The following LYRM7 variants were observed in gnomAD, a reference collection of about 807,000 sequenced individuals.
The protein encoded by LYRM7 is complex III assembly factor LYRM7.
In LYRM7, 9 loss-of-function variants were observed where a neutral mutation model predicts 15.8. The observed-to-expected ratio is 0.57, with a 90% CI of 0.34 to 0.99. LYRM7 has a LOEUF of 0.99. Among genes scored for constraint, LYRM7 ranks in the 50% least tolerant of loss-of-function variants. The probability of loss-of-function intolerance (pLI) is 0.02; values close to 1 mark genes in which losing one functional copy is unlikely to be tolerated. For synonymous variants in LYRM7, 39 were observed against 39.4 expected (o/e 0.99, Z 0.04); for missense variants, 115 against 119.1 (o/e 0.97, Z 0.16).
Position 131,201,902 on chromosome 5 carries a change from A to T in LYRM7, c.*2301A>T, listed in dbSNP as rs1756074784. On this transcript the variant is annotated 3_prime_UTR_variant, in exon 5 of 5. Coordinates refer to ENST00000379380, the MANE Select transcript of LYRM7 (RefSeq NM_181705.4). ...CAGGTTGGAGTGCAGTGGCATGGTC[A>T]TGGTCCACTAAAGCCTTGACCCCTG... 1 of 152,090 alleles carries T rather than the reference A, an allele frequency of 6.6e-6. No homozygotes were observed. The highest frequency in any genetic ancestry group is 6.5e-5 in the Admixed American group (1 of 15,274). 9.4% of individuals were successfully genotyped at this position (152,090 alleles called of 1,614,324 possible).
rs144782035 is a variant in LYRM7 at position 131,188,822 on chromosome 5, G to A, written c.244+1713G>A. ...ATCTTTGACTAGCTCAAGCAAGATC[G>A]TGAAGAGATTCTCCTGTGCTTTCTT... On this transcript the variant is annotated intron_variant, in intron 4 of 4. Transcript: ENST00000379380. Among the ~76,000 whole-genome samples, 1,225 of 152,206 alleles carry A rather than the reference G, an allele frequency of 8.0e-3. 14 individuals carry two copies. Among genetic ancestry groups the A allele is most frequent in the African/African-American group, 0.028 (1,167 of 41,528 alleles).
At chr5:131,185,420 T>C (rs7735755) in intron 3 of LYRM7, among the ~76,000 whole-genome samples, 46,233 of 152,012 alleles carry the variant, frequency 0.3, 11,315 homozygotes, top group African/African-American at 0.68. Context: ...GATATTCTCT[T>C]CCATGCCCTC....
At chr5:131,197,374 A>G (rs6873136) in intron 4 of LYRM7, among the ~76,000 whole-genome samples, 4,562 of 152,294 alleles carry the variant, frequency 0.03, 246 homozygotes, top group African/African-American at 0.1. Flanking sequence ...CAAGTGAGAT[A>G]TAAACAATGG....
intron 1 of LYRM7, among the ~76,000 whole-genome samples, chr5:131,171,960 T>G (rs1025239286): frequency 1.3e-5 from 2 of 152,234 alleles, no homozygotes; most frequent in African/African-American, 4.8e-5. Flanking sequence ...GCCTATATTG[T>G]CTAAGCATAG....
At chr5:131,197,334 C>T (rs1454545528) in intron 4 of LYRM7, among the ~76,000 whole-genome samples, 1 of 152,124 alleles carries the variant, frequency 6.6e-6, no homozygotes, top group East Asian at 1.9e-4. Context: ...AATTTATTCT[C>T]TGATGAAATC....
At chr5:131,187,215 G>A in intron 4 of LYRM7, 106 bp downstream of exon 4, 1 of 654,512 alleles carries the variant, frequency 1.5e-6, no homozygotes, top group Non-Finnish European at 2.7e-6. Flanking sequence ...GATTTTGCCA[G>A]ACAATATGGT....
In LYRM7 at chr5:131,204,742, T is replaced by TGTGTGTGTGTGTGTGTGTGTGTG. The variant is rs60607642; in HGVS notation, c.*5141_*5142insGTGTGTGTGTGTGTGTGTGTGTG. The TGTGTGTGTGTGTGTGTGTGTGTG allele has an allele frequency of 6.7e-6, 1 of 149,874 alleles. No homozygotes were observed. Among genetic ancestry groups the TGTGTGTGTGTGTGTGTGTGTGTG allele is most frequent in the African/African-American group, 2.4e-5 (1 of 40,872 alleles). 9.3% of individuals were successfully genotyped at this position (149,874 alleles called of 1,614,324 possible). A position where few individuals can be genotyped will look rare whatever the true frequency, so the allele number is the denominator to read the frequency against. On this transcript the variant is annotated 3_prime_UTR_variant, in exon 5 of 5. Coordinates refer to ENST00000379380, the MANE Select transcript of LYRM7 (RefSeq NM_181705.4). ...AGCATTTCAGAAAACGGATGTTCAT[T>TGTGTGTGTGTGTGTGTGTGTGTG]TGTGTGTGTGTGTGTGTGTAAGCAG...
At chr5:131,187,943 G>C (rs1432876432) in intron 4 of LYRM7, among the ~76,000 whole-genome samples, 3 of 152,012 alleles carry the variant, frequency 2.0e-5, no homozygotes, top group East Asian at 1.9e-4. Context: ...TTTGGGGACA[G>C]TAACAACAAA....
intron 4 of LYRM7, among the ~76,000 whole-genome samples, chr5:131,187,947 C>G (rs911356312): frequency 3.9e-5 from 6 of 151,978 alleles, no homozygotes; most frequent in Non-Finnish European, 7.4e-5. Flanking sequence ...GGGACAGTAA[C>G]AACAAAAAGA....
In LYRM7 at chr5:131,181,387, TACA is replaced by T. The variant is rs1561544413; in HGVS notation, c.92-841_92-839del. 1.4e-4 allele frequency among the ~76,000 whole-genome samples: 13 copies of T among 94,792 alleles called. 2 individuals are homozygous for T. The highest frequency in any genetic ancestry group is 8.2e-4 in the African/African-American group (12 of 14,632). 62.2% of individuals were successfully genotyped at this position (94,792 alleles called of 152,430 possible). On this transcript the variant is annotated intron_variant, in intron 2 of 4. Coordinates refer to ENST00000379380, the MANE Select transcript of LYRM7 (RefSeq NM_181705.4). ...AACATATATATGTATATATAATATA[TACA>T]TATATATTATATATACATATATATG...
At chr5:131,177,333 A>C (rs530946496) in intron 1 of LYRM7, among the ~76,000 whole-genome samples, 33 of 152,168 alleles carry the variant, frequency 2.2e-4, no homozygotes, top group African/African-American at 7.5e-4. Context: ...ATGTTAGACT[A>C]CCTGTCTCCT....
chr5:131,190,226 T>A (rs1476278305), intron 4 of LYRM7, among the ~76,000 whole-genome samples: 1 of 152,162 alleles, frequency 6.6e-6, no homozygotes, highest in Non-Finnish European at 1.5e-5. Context: ...GATGGAGTCT[T>A]GCTCTGTCTC....
In LYRM7 at chr5:131,204,080, TA is replaced by T. The variant is rs2149668836; in HGVS notation, c.*4480del. On this transcript the variant is annotated 3_prime_UTR_variant, in exon 5 of 5. Coordinates refer to ENST00000379380, the MANE Select transcript of LYRM7 (RefSeq NM_181705.4). ...ATATCATTTTTAAAGGAATATAAAT[TA>T]TAGGGCCTTTTGTTTCTTTGGGTTT... is the stretch of plus-strand genomic sequence containing the variant. 1 of 150,816 alleles carries T rather than the reference TA, an allele frequency of 6.6e-6. No homozygotes were observed. The highest frequency in any genetic ancestry group is 2.1e-4 in the South Asian group (1 of 4,776). The allele number at this position is 150,816 out of a possible 1,614,324, so 9.3% of individuals were successfully genotyped here.
At chr5:131,176,937 A>G (rs1443799851) in intron 1 of LYRM7, among the ~76,000 whole-genome samples, 1 of 151,938 alleles carries the variant, frequency 6.6e-6, no homozygotes, top group African/African-American at 2.4e-5. Flanking sequence ...ACATTTTCTC[A>G]TTTGTGTCCT....
intron 3 of LYRM7, among the ~76,000 whole-genome samples, chr5:131,182,744 G>GT (rs1199833189): frequency 1.3e-5 from 2 of 152,096 alleles, no homozygotes; most frequent in Non-Finnish European, 2.9e-5. Context: ...TTTGCTTTCT[G>GT]TATTTGCATT....
In LYRM7 at chr5:131,200,346, G is replaced by T. The variant is rs1176295914; in HGVS notation, c.*745G>T. ...ACAAAGTTAGACTTTAGTGTGAAAT[G>T]TAATCGGTGGCTACATTCTCATCGT... On this transcript the variant is annotated 3_prime_UTR_variant, in exon 5 of 5. Transcript: ENST00000379380. 6.6e-6 allele frequency: 1 copy of T among 152,294 alleles called. No homozygotes were observed. The highest frequency in any genetic ancestry group is 1.5e-5 in the Non-Finnish European group (1 of 68,024). 9.4% of individuals were successfully genotyped at this position (152,294 alleles called of 1,614,324 possible).
intron 4 of LYRM7, among the ~76,000 whole-genome samples, chr5:131,192,600 G>A (rs750123109): frequency 4.6e-5 from 7 of 151,956 alleles, no homozygotes; most frequent in East Asian, 3.9e-4. Context: ...TATCCTTGCC[G>A]GTGAATTCAA....
chr5:131,173,547 C>G lies in LYRM7; in HGVS notation c.18+2509C>G, dbSNP rs570439010. Among the ~76,000 whole-genome samples, 21 of 152,210 alleles carry G rather than the reference C, an allele frequency of 1.4e-4. No individual in the cohort carries two copies. The South Asian group carries it at 2.1e-3, about 15-fold the overall frequency. ...GATCACAAGGTCAAGAGTTCGAGAC[C>G]CATCTGGCCAACGCAGTGAAACCCC... On this transcript the variant is annotated intron_variant, in intron 1 of 4. Transcript: ENST00000379380.
intron 3 of LYRM7, among the ~76,000 whole-genome samples, chr5:131,183,014 G>C (rs1165208429): frequency 6.6e-6 from 1 of 151,936 alleles, no homozygotes; most frequent in Non-Finnish European, 1.5e-5. Flanking sequence ...AATTGATTTG[G>C]TTCCAAGAAT....
Sources: gnomAD v4.1 joint callset for allele counts (sites outside exome capture counted in the v4.1 genomes callset) on GRCh38, gnomAD v4.1.1 for gene constraint, MANE v1.5 for transcripts, NCBI Gene and HGNC (gene_info 2026-07-23, HGNC 2026-07-21) for gene names.